The following PELI2 variants were observed in gnomAD, a reference collection of about 807,000 sequenced individuals.
The protein encoded by PELI2 is pellino E3 ubiquitin protein ligase family member 2, also known as E3 ubiquitin-protein ligase pellino homolog 2.
PELI2 carries 23 observed loss-of-function variants against 42.3 expected under a neutral mutation model. The ratio of observed to expected loss-of-function variants is 0.54; its 90% confidence interval spans 0.39 to 0.77. The LOEUF is 0.77. Among genes scored for constraint, PELI2 ranks in the 30% least tolerant of loss-of-function variants. PELI2 has a pLI of 0.00. For missense variants in PELI2, 463 were observed against 553.2 expected, an observed-to-expected ratio of 0.84 and a Z score of 1.64; for synonymous variants, 245 against 212.2, an observed-to-expected ratio of 1.15 and a Z score of -1.34.
chr14:56,138,714 C>G (rs1595547630), intron 1 of PELI2, among the ~76,000 whole-genome samples: 1 of 152,308 alleles, frequency 6.6e-6, no homozygotes, highest in East Asian at 1.9e-4. Flanking sequence ...CCATTTCAGA[C>G]TATAACTGAC....
At chr14:56,198,312 A>G (rs960377903) in intron 2 of PELI2, among the ~76,000 whole-genome samples, 2 of 152,168 alleles carry the variant, frequency 1.3e-5, no homozygotes, top group African/African-American at 4.8e-5. Flanking sequence ...TCAACCATGT[A>G]GAGAGGGGCA....
intron 1 of PELI2, among the ~76,000 whole-genome samples, chr14:56,139,485 C>G (rs1883822420): frequency 6.6e-6 from 1 of 151,860 alleles, no homozygotes; most frequent in South Asian, 2.1e-4. Flanking sequence ...GACTTCTTTC[C>G]CCCGTTTGTT....
At chr14:56,206,577 G>C (rs1886526557) in intron 2 of PELI2, among the ~76,000 whole-genome samples, 1 of 152,090 alleles carries the variant, frequency 6.6e-6, no homozygotes, top group Non-Finnish European at 1.5e-5. Flanking sequence ...TTTTTCTAAT[G>C]GTTCTACATT....
intron 2 of PELI2, among the ~76,000 whole-genome samples, chr14:56,248,439 A>G (rs1300436927): frequency 6.6e-6 from 1 of 152,092 alleles, no homozygotes; most frequent in African/African-American, 2.4e-5. Context: ...GAAGCGATAC[A>G]TCCCGATCAT....
intron 2 of PELI2, among the ~76,000 whole-genome samples, chr14:56,195,049 G>C (rs1476594178): frequency 2.0e-5 from 3 of 152,180 alleles, no homozygotes; most frequent in Admixed American, 6.5e-5. Context: ...CTGTAAACTA[G>C]ATGCTCATTA....
At chr14:56,143,195 C>A (rs577331460) in intron 1 of PELI2, among the ~76,000 whole-genome samples, 2 of 152,238 alleles carry the variant, frequency 1.3e-5, no homozygotes, top group Non-Finnish European at 2.9e-5. Context: ...TTGTAGACTG[C>A]CTCTCAATTT....
Position 56,199,889 on chromosome 14 carries a change from T to A in PELI2, c.207+21425T>A, listed in dbSNP as rs372599887. ...ACAGGTGGTGCTCAATAAATCTTTG[T>A]TGACTTGATGTTGATTGAGTGTATC... On this transcript the variant is annotated intron_variant, in intron 2 of 5. Coordinates refer to ENST00000267460, the MANE Select transcript of PELI2 (RefSeq NM_021255.3). Among the ~76,000 whole-genome samples, 21 of 152,362 alleles carry A rather than the reference T, an allele frequency of 1.4e-4. 1 individual carries two copies. Among genetic ancestry groups the A allele is most frequent in the Admixed American group, 8.5e-4 (13 of 15,306 alleles).
At chr14:56,278,367 A>G (rs1409695946) in intron 2 of PELI2, among the ~76,000 whole-genome samples, 1 of 152,216 alleles carries the variant, frequency 6.6e-6, no homozygotes, top group Non-Finnish European at 1.5e-5. Context: ...ATTAACACAA[A>G]GATTACATCC....
chr14:56,135,504 G>A (rs1883653497), intron 1 of PELI2, among the ~76,000 whole-genome samples: 6 of 152,146 alleles, frequency 3.9e-5, no homozygotes, highest in Admixed American at 3.9e-4. Flanking sequence ...GAGATTTTGA[G>A]GGCATGTTGG....
intron 2 of PELI2, among the ~76,000 whole-genome samples, chr14:56,232,565 A>C (rs554179262): frequency 6.6e-6 from 1 of 152,234 alleles, no homozygotes; most frequent in East Asian, 1.9e-4. Flanking sequence ...AACAGCCTTC[A>C]TGCTGAAAAC....
chr14:56,213,902 A>G (rs2139733862), intron 2 of PELI2, among the ~76,000 whole-genome samples: 1 of 152,202 alleles, frequency 6.6e-6, no homozygotes, highest in East Asian at 1.9e-4. Context: ...CCCAGGCTGG[A>G]GTGCAGTGGC....
intron 1 of PELI2, among the ~76,000 whole-genome samples, chr14:56,134,838 T>C (rs1391114673): frequency 6.6e-6 from 1 of 152,082 alleles, no homozygotes; most frequent in Admixed American, 6.5e-5. Context: ...CCATCTTTTT[T>C]GTGTTTTTCT....
At chr14:56,263,113 T>G (rs1888774549) in intron 2 of PELI2, among the ~76,000 whole-genome samples, 1 of 152,138 alleles carries the variant, frequency 6.6e-6, no homozygotes, top group South Asian at 2.1e-4. Flanking sequence ...CCTGCCACCA[T>G]GCCTGGCTAA....
At chr14:56,161,242 G>A (rs1354435118) in intron 1 of PELI2, among the ~76,000 whole-genome samples, 1 of 150,766 alleles carries the variant, frequency 6.6e-6, no homozygotes, top group East Asian at 1.9e-4. Flanking sequence ...TTTTCCTGTT[G>A]TGCTTTCTAA....
At chr14:56,290,228 A>G in intron 4 of PELI2, 40 bp from the exon 5 acceptor site, 1 of 1,440,282 alleles carries the variant, frequency 6.9e-7, no homozygotes, top group Non-Finnish European at 9.3e-7. Context: ...TTTCAACATC[A>G]TCTTAACCTA....
chr14:56,227,866 C>A (rs1048778811), intron 2 of PELI2, among the ~76,000 whole-genome samples: 1 of 152,088 alleles, frequency 6.6e-6, no homozygotes, highest in Non-Finnish European at 1.5e-5. Flanking sequence ...GGCTCATAAG[C>A]CAGATTGAAG....
chr14:56,206,478 G>C (rs113660824), intron 2 of PELI2, among the ~76,000 whole-genome samples: 2 of 151,818 alleles, frequency 1.3e-5, no homozygotes, highest in African/African-American at 2.4e-5. Flanking sequence ...CATACGAAGC[G>C]CTCCAGTAAG....
At chr14:56,188,612 C>A (rs77936228) in intron 2 of PELI2, among the ~76,000 whole-genome samples, 2,191 of 152,230 alleles carry the variant, frequency 0.014, 24 homozygotes, top group Middle Eastern at 0.061. Context: ...TAAATAGCAT[C>A]ATGATAAGCA....
intron 2 of PELI2, among the ~76,000 whole-genome samples, chr14:56,215,451 A>G (rs529610477): frequency 8.5e-5 from 13 of 152,218 alleles, no homozygotes; most frequent in East Asian, 1.9e-4. Flanking sequence ...GGTTTCCTCA[A>G]TAGGTAGGTA....
Sources: gnomAD v4.1 joint callset for allele counts (sites outside exome capture counted in the v4.1 genomes callset) on GRCh38, gnomAD v4.1.1 for gene constraint, MANE v1.5 for transcripts, NCBI Gene and HGNC (gene_info 2026-07-23, HGNC 2026-07-21) for gene names.